Variants in SUGCT observed in about 807,000 individuals in gnomAD.
SUGCT encodes succinyl-CoA:glutarate CoA-transferase.
In SUGCT, 41 loss-of-function variants were observed where a neutral mutation model predicts 55.0. That is an observed-to-expected ratio of 0.74 (90% confidence interval 0.58 to 0.97). SUGCT has a LOEUF of 0.97. Ranked by LOEUF, SUGCT falls within the 50% of genes least tolerant of loss-of-function variation. SUGCT has a pLI of 0.00. For missense variants in SUGCT, 568 were observed against 547.8 expected (o/e 1.04, Z -0.37); for synonymous variants, 187 against 200.4 (o/e 0.93, Z 0.56).
At chr7:40,421,862 G>T (rs1464731162) in intron 9 of SUGCT, among the ~76,000 whole-genome samples, 1 of 152,112 alleles carries the variant, frequency 6.6e-6, no homozygotes, top group Non-Finnish European at 1.5e-5. Flanking sequence ...TTGAGCTGTG[G>T]TTCATCCACT....
chr7:40,569,230 C>T (rs910392674), intron 12 of SUGCT, among the ~76,000 whole-genome samples: 4 of 152,060 alleles, frequency 2.6e-5, no homozygotes, highest in Admixed American at 6.6e-5. Context: ...AAATGTAGGA[C>T]GTAGGTGATC....
the SUGCT span, among the ~76,000 whole-genome samples, chr7:40,999,080 T>G: frequency 6.6e-6 from 1 of 152,204 alleles, no homozygotes; most frequent in South Asian, 2.1e-4. Context: ...TGCTGTACTG[T>G]GAGCTGCCGA....
intron 12 of SUGCT, among the ~76,000 whole-genome samples, chr7:40,668,108 G>C (rs1338289163): frequency 1.3e-5 from 2 of 152,078 alleles, no homozygotes; most frequent in African/African-American, 4.8e-5. Flanking sequence ...GAGTTAATTT[G>C]CATTTGTCAG....
At chr7:40,981,713 C>T in the SUGCT span, among the ~76,000 whole-genome samples, 975 of 152,294 alleles carry the variant, frequency 6.4e-3, 4 homozygotes, top group Non-Finnish European at 9.1e-3. Flanking sequence ...ACAAGTTCCA[C>T]CTTCTACAAA....
At chr7:40,583,746 T>G (rs1797225014) in intron 12 of SUGCT, among the ~76,000 whole-genome samples, 1 of 152,294 alleles carries the variant, frequency 6.6e-6, no homozygotes, top group Middle Eastern at 3.4e-3. Flanking sequence ...GCCCATCTAC[T>G]CTGAATCTTT....
rs1293768919 is a variant in SUGCT at position 40,799,259 on chromosome 7, C to CTTT, written c.1153+49762_1153+49763insTTT. Among the ~76,000 whole-genome samples the CTTT allele has an allele frequency of 6.5e-3, 987 of 152,284 alleles. 6 individuals are homozygous for CTTT. The highest frequency in any genetic ancestry group is 0.023 in the African/African-American group (956 of 41,554). On this transcript the variant is annotated intron_variant, in intron 13 of 13. Transcript: ENST00000335693. ...TATTTACCCAAACACTCAAACCAGA[C>CTTT]CTTTCTTTCCTTTTCTTTTTCTTTT...
At chr7:40,677,198 C>T (rs1029067377) in intron 12 of SUGCT, among the ~76,000 whole-genome samples, 1 of 152,156 alleles carries the variant, frequency 6.6e-6, no homozygotes, top group African/African-American at 2.4e-5. Flanking sequence ...TGGAACCTCA[C>T]AGCCAGATGT....
chr7:40,221,106 T>C (rs1164429875), intron 6 of SUGCT, among the ~76,000 whole-genome samples: 1 of 152,148 alleles, frequency 6.6e-6, no homozygotes, highest in Non-Finnish European at 1.5e-5. Flanking sequence ...TTATATTCAT[T>C]TGGAAAATAC....
At chr7:40,230,328 G>A (rs1788645796) in intron 6 of SUGCT, among the ~76,000 whole-genome samples, 1 of 152,218 alleles carries the variant, frequency 6.6e-6, no homozygotes, top group Non-Finnish European at 1.5e-5. Context: ...GGTGGCCAGA[G>A]ATAAGATATA....
At chr7:40,832,452 A>AT (rs1216159926) in intron 13 of SUGCT, among the ~76,000 whole-genome samples, 1 of 151,846 alleles carries the variant, frequency 6.6e-6, no homozygotes, top group Non-Finnish European at 1.5e-5. Context: ...CAAACTTTAT[A>AT]TTTTTTAGTG....
chr7:40,559,661 G>T (rs1206499949), intron 12 of SUGCT, among the ~76,000 whole-genome samples: 6 of 152,176 alleles, frequency 3.9e-5, no homozygotes, highest in African/African-American at 1.2e-4. Context: ...ATCTTTGTTT[G>T]CTATACTTAT....
rs533997677 is a variant in SUGCT at position 40,766,903 on chromosome 7, T to C, written c.1153+17406T>C. Among the ~76,000 whole-genome samples, 5 of 152,274 alleles carry C rather than the reference T, an allele frequency of 3.3e-5. No homozygotes were observed. The South Asian group carries it at 8.3e-4, about 25-fold the overall frequency. ...GACATTTAATTTGCACTATGGGGAATTTAACAATATTGGATGAAAGCGATA... is the reference window on the plus strand; with the variant it reads ...GACATTTAATTTGCACTATGGGGAACTTAACAATATTGGATGAAAGCGATA... On this transcript the variant is annotated intron_variant, in intron 13 of 13. Coordinates refer to ENST00000335693, the MANE Select transcript of SUGCT (RefSeq NM_001193313.2).
chr7:40,163,459 G>C (rs886689644), intron 1 of SUGCT, among the ~76,000 whole-genome samples: 4 of 151,944 alleles, frequency 2.6e-5, no homozygotes, highest in Non-Finnish European at 5.9e-5. Context: ...CAAAAAATTA[G>C]CCGGGCGTGG....
At chr7:40,289,899 T>A (rs533950100) in intron 8 of SUGCT, among the ~76,000 whole-genome samples, 1 of 152,202 alleles carries the variant, frequency 6.6e-6, no homozygotes, top group East Asian at 1.9e-4. Context: ...TGAACTCCCA[T>A]TCACAATTGC....
chr7:40,937,426 C>G, the SUGCT span, among the ~76,000 whole-genome samples: 1 of 152,166 alleles, frequency 6.6e-6, no homozygotes, highest in Non-Finnish European at 1.5e-5. Context: ...CTGCCTTGGC[C>G]TCGCAAAGGC....
chr7:40,370,139 T>C (rs984224156), intron 9 of SUGCT, among the ~76,000 whole-genome samples: 2 of 152,170 alleles, frequency 1.3e-5, no homozygotes, highest in Non-Finnish European at 2.9e-5. Flanking sequence ...CAGGGTCAGT[T>C]CTCACTGGCA....
intron 12 of SUGCT, among the ~76,000 whole-genome samples, chr7:40,746,309 C>T (rs972957731): frequency 1.3e-5 from 2 of 152,124 alleles, no homozygotes; most frequent in Non-Finnish European, 2.9e-5. Flanking sequence ...TTTCCAGGGA[C>T]AGCACTGCCA....
the SUGCT span, among the ~76,000 whole-genome samples, chr7:40,897,674 G>A: frequency 1.3e-5 from 2 of 152,128 alleles, no homozygotes; most frequent in Non-Finnish European, 2.9e-5. Context: ...GGCTCCAACT[G>A]AGCTTGAAGG....
intron 1 of SUGCT, among the ~76,000 whole-genome samples, chr7:40,178,596 T>C (rs1043385532): frequency 2.1e-4 from 32 of 152,118 alleles, no homozygotes; most frequent in African/African-American, 7.7e-4. Flanking sequence ...TGTTGAGAAA[T>C]TCAATGTCCT....
Sources: gnomAD v4.1 joint callset for allele counts (sites outside exome capture counted in the v4.1 genomes callset) on GRCh38, gnomAD v4.1.1 for gene constraint, MANE v1.5 for transcripts, NCBI Gene and HGNC (gene_info 2026-07-23, HGNC 2026-07-21) for gene names.